The following FGFR2 variants were observed in gnomAD, a reference collection of about 807,000 sequenced individuals.
The protein encoded by FGFR2 is BEK fibroblast growth factor receptor.
In FGFR2, 19 loss-of-function variants were observed where a neutral mutation model predicts 95.9. The ratio of observed to expected loss-of-function variants is 0.20; its 90% CI spans 0.14 to 0.29. The LOEUF is 0.29. Among genes scored for constraint, FGFR2 ranks in the 10% least tolerant of loss-of-function variants. The probability of loss-of-function intolerance (pLI) is 1.00; values close to 1 mark genes in which losing one functional copy is unlikely to be tolerated. For missense variants in FGFR2, 707 were observed against 1,056.9 expected (o/e 0.67, Z 4.59); for synonymous variants, 392 against 393.3 (o/e 1.00, Z 0.04).
chr10:121,482,393 T>C (rs1409228205), intron 17 of FGFR2, among the ~76,000 whole-genome samples: 1 of 152,246 alleles, frequency 6.6e-6, no homozygotes, highest in African/African-American at 2.4e-5. Context: ...AAGATAAAGC[T>C]GCTGAGCTAA....
chr10:121,587,429 G>C (rs751402905), intron 2 of FGFR2, among the ~76,000 whole-genome samples: 1 of 152,158 alleles, frequency 6.6e-6, no homozygotes, highest in Admixed American at 6.5e-5. Flanking sequence ...AAACTTAAGA[G>C]CTTCTGCACA....
intron 4 of FGFR2, among the ~76,000 whole-genome samples, chr10:121,554,167 AGGTTGG>A (rs1242178426): frequency 1.3e-5 from 2 of 152,248 alleles, no homozygotes; most frequent in Admixed American, 1.3e-4. Context: ...CAGAGATCCA[AGGTTGG>A]GGGCCACCAT....
At chr10:121,489,222 GC>G (rs1845817420) in intron 13 of FGFR2, among the ~76,000 whole-genome samples, 1 of 152,028 alleles carries the variant, frequency 6.6e-6, no homozygotes, top group Non-Finnish European at 1.5e-5. Context: ...ACAGGTGCCT[GC>G]CACCACACCC....
chr10:121,482,215 G>C (rs1296290344), intron 17 of FGFR2: 1 of 1,602,926 alleles, frequency 6.2e-7, no homozygotes. Context: ...TAGATTCCAA[G>C]TCTACAGTTA....
Position 121,498,547 on chromosome 10 carries a change from C to T in FGFR2, c.1620G>A (p.Met540Ile), listed in dbSNP as rs1358630379. The part of the protein sequence containing the change: ...DLVSEMEMMK[M>I]IGKHKNIINL... ...TTATGATATTCTTGTGTTTCCCAAT[C>T]ATCTTCATCATCTCCATCTCTGACA... The change falls in exon 12 of 18, where the codon ATG becomes ATA. Residue 540 changes from methionine (M) to isoleucine (I), a missense_variant. Physicochemically the swap from Met to Ile is conservative, Grantham distance 10. Transcript: ENST00000358487. 1.2e-6 allele frequency: 2 copies of T among 1,614,104 alleles called. No individual in the cohort carries two copies. Among genetic ancestry groups the T allele is most frequent in the Non-Finnish European group, 1.7e-6 (2 of 1,179,966 alleles).
intron 9 of FGFR2, among the ~76,000 whole-genome samples, chr10:121,511,621 G>A (rs1290940275): frequency 7.9e-5 from 12 of 152,278 alleles, no homozygotes. Flanking sequence ...TTAACTCGCT[G>A]GGCACCAAAG....
chr10:121,595,837 C>A (rs1488361232), intron 1 of FGFR2, among the ~76,000 whole-genome samples: 15 of 152,216 alleles, frequency 9.9e-5, no homozygotes, highest in Admixed American at 9.8e-4. Context: ...TCCGCTGAAT[C>A]TCAAGCCGTT....
intron 6 of FGFR2, among the ~76,000 whole-genome samples, chr10:121,524,101 T>TAC (rs61527395): frequency 0.026 from 2,347 of 89,154 alleles, 55 homozygotes; most frequent in African/African-American, 0.08. Context: ...CGGCTATGTA[T>TAC]ACACACACAC....
At chr10:121,533,978 C>T (rs757263838) in intron 6 of FGFR2, among the ~76,000 whole-genome samples, 1 of 151,944 alleles carries the variant, frequency 6.6e-6, no homozygotes, top group Non-Finnish European at 1.5e-5. Flanking sequence ...CCTGCAAGTC[C>T]AACAGCCAAA....
chr10:121,594,674 G>A (rs1863175658), intron 1 of FGFR2, among the ~76,000 whole-genome samples: 1 of 152,226 alleles, frequency 6.6e-6, no homozygotes, highest in South Asian at 2.1e-4. Context: ...GATCCAAAAA[G>A]GACTTCGAAG....
intron 10 of FGFR2, 139 bp from the exon 11 acceptor site, chr10:121,501,086 G>C: frequency 8.6e-7 from 1 of 1,160,636 alleles, no homozygotes; most frequent in Non-Finnish European, 1.2e-6. Flanking sequence ...ATGAGACTTA[G>C]GGTACACACG....
At chr10:121,500,068 T>G (rs1169317125) in intron 11 of FGFR2, among the ~76,000 whole-genome samples, 1 of 152,288 alleles carries the variant, frequency 6.6e-6, no homozygotes, top group Non-Finnish European at 1.5e-5. Flanking sequence ...GCATGGGATC[T>G]TCTTTCCGAG....
intron 2 of FGFR2, among the ~76,000 whole-genome samples, chr10:121,586,112 G>A (rs775542161): frequency 2.6e-5 from 4 of 152,128 alleles, no homozygotes; most frequent in Non-Finnish European, 4.4e-5. Context: ...ATTACAACTG[G>A]TCACTATGGA....
chr10:121,551,847 T>G (rs999463623), intron 4 of FGFR2, among the ~76,000 whole-genome samples: 1 of 152,196 alleles, frequency 6.6e-6, no homozygotes, highest in African/African-American at 2.4e-5. Context: ...GCCACACCTA[T>G]TAAATGATCA....
chr10:121,570,828 C>T (rs1317806659), intron 2 of FGFR2, among the ~76,000 whole-genome samples: 3 of 152,216 alleles, frequency 2.0e-5, no homozygotes, highest in African/African-American at 7.2e-5. Flanking sequence ...ACAAACAAGG[C>T]ACCAAGTCTC....
intron 4 of FGFR2, among the ~76,000 whole-genome samples, chr10:121,553,329 C>T (rs2074874603): frequency 6.6e-6 from 1 of 152,200 alleles, no homozygotes; most frequent in Non-Finnish European, 1.5e-5. Flanking sequence ...CCTGGGTAGA[C>T]ATTTGGCTCT....
At chr10:121,524,681 T>C (rs1367566436) in intron 6 of FGFR2, among the ~76,000 whole-genome samples, 1 of 152,156 alleles carries the variant, frequency 6.6e-6, no homozygotes, top group Non-Finnish European at 1.5e-5. Context: ...TCCTAACTTC[T>C]GAAAAACCGA....
chr10:121,569,171 G>A (rs931490422), intron 2 of FGFR2, among the ~76,000 whole-genome samples: 17 of 151,760 alleles, frequency 1.1e-4, no homozygotes, highest in African/African-American at 3.6e-4. Context: ...ACGATTTTCA[G>A]AGGATAATCA....
intron 13 of FGFR2, among the ~76,000 whole-genome samples, chr10:121,488,438 G>A (rs951833497): frequency 6.6e-6 from 1 of 151,242 alleles, no homozygotes; most frequent in Non-Finnish European, 1.5e-5. Context: ...CTACTCAGGA[G>A]GCTGAGGCAC....
Sources: gnomAD v4.1 joint callset for allele counts (sites outside exome capture counted in the v4.1 genomes callset) on GRCh38, gnomAD v4.1.1 for gene constraint, MANE v1.5 for transcripts, NCBI Gene and HGNC (gene_info 2026-07-23, HGNC 2026-07-21) for gene names.